TRHDE: variants seen among roughly 807,000 people sequenced by gnomAD.
TRHDE encodes the protein thyrotropin-releasing hormone-degrading ectoenzyme.
In TRHDE, 72 loss-of-function variants were observed where a neutral mutation model predicts 125.7. That is an observed-to-expected ratio of 0.57 (90% CI 0.47 to 0.70). The LOEUF (loss-of-function observed/expected upper bound fraction) is 0.70, where lower values mean the gene tolerates loss of function less well. Among genes scored for constraint, TRHDE ranks in the 30% least tolerant of loss-of-function variants. The probability of loss-of-function intolerance (pLI) is 0.00; values close to 1 mark genes in which losing one functional copy is unlikely to be tolerated. For synonymous variants in TRHDE, 509 were observed against 509.1 expected, an observed-to-expected ratio of 1.00 and a Z score of 0.00; for missense variants, 1,110 against 1,327.1, an observed-to-expected ratio of 0.84 and a Z score of 2.54.
chr12:72,442,343 A>G (rs1043956570), intron 3 of TRHDE, among the ~76,000 whole-genome samples: 8 of 151,838 alleles, frequency 5.3e-5, no homozygotes, highest in African/African-American at 1.9e-4. Context: ...ACTTATCTAC[A>G]TGGCTTTGCA....
intron 2 of TRHDE, among the ~76,000 whole-genome samples, chr12:72,229,565 A>G (rs1304836870): frequency 6.6e-6 from 1 of 152,206 alleles, no homozygotes; most frequent in Non-Finnish European, 1.5e-5. Flanking sequence ...GATACAGAAC[A>G]GATCATGTCA....
chr12:72,279,108 C>T (rs981480179), intron 1 of TRHDE, among the ~76,000 whole-genome samples: 2 of 152,130 alleles, frequency 1.3e-5, no homozygotes, highest in South Asian at 2.1e-4. Context: ...GTTTGCACAA[C>T]ATGTTTGTTT....
At chr12:72,097,037 C>T (rs1384199919) in intron 1 of TRHDE, among the ~76,000 whole-genome samples, 1 of 152,218 alleles carries the variant, frequency 6.6e-6, no homozygotes, top group Non-Finnish European at 1.5e-5. Context: ...TAGCTTACTA[C>T]TGGATCATAT....
intron 5 of TRHDE, among the ~76,000 whole-genome samples, chr12:72,481,541 T>C (rs1335760812): frequency 1.3e-5 from 2 of 151,536 alleles, no homozygotes; most frequent in African/African-American, 4.8e-5. Flanking sequence ...ACCTGGAGAA[T>C]GTCAAATTTC....
intron 2 of TRHDE, among the ~76,000 whole-genome samples, chr12:72,152,011 A>T (rs1216712600): frequency 6.6e-6 from 1 of 151,572 alleles, no homozygotes; most frequent in Non-Finnish European, 1.5e-5. Context: ...CACAATATTG[A>T]TTCTTCCTAC....
intron 2 of TRHDE, among the ~76,000 whole-genome samples, chr12:72,365,450 G>T (rs1871301868): frequency 1.3e-5 from 2 of 152,128 alleles, no homozygotes; most frequent in African/African-American, 4.8e-5. Context: ...AACCTTTGGT[G>T]ATTCTGATGC....
intron 2 of TRHDE, among the ~76,000 whole-genome samples, chr12:72,246,590 G>C (rs1284342169): frequency 6.6e-6 from 1 of 152,164 alleles, no homozygotes; most frequent in Non-Finnish European, 1.5e-5. Flanking sequence ...GCAAGCAGCT[G>C]ACTCGCTTAA....
At chr12:72,313,179 A>G (rs1311873759) in intron 2 of TRHDE, among the ~76,000 whole-genome samples, 3 of 152,136 alleles carry the variant, frequency 2.0e-5, no homozygotes, top group Admixed American at 2.0e-4. Context: ...CTAAAACTAA[A>G]ATATTTGGCT....
At chr12:72,642,963 A>ATCTT (rs1396749644) in intron 15 of TRHDE, among the ~76,000 whole-genome samples, 1 of 152,216 alleles carries the variant, frequency 6.6e-6, no homozygotes, top group Non-Finnish European at 1.5e-5. Flanking sequence ...TTATTAGAAC[A>ATCTT]TCTTTACAAA....
At chr12:72,420,316 G>A (rs139313463) in intron 3 of TRHDE, among the ~76,000 whole-genome samples, 281 of 152,220 alleles carry the variant, frequency 1.8e-3, no homozygotes, top group African/African-American at 6.1e-3. Context: ...CTTTATCTTA[G>A]CAGCAACTCC....
intron 6 of TRHDE, among the ~76,000 whole-genome samples, chr12:72,528,421 T>C (rs540409608): frequency 6.6e-6 from 1 of 152,358 alleles, no homozygotes; most frequent in South Asian, 2.1e-4. Context: ...TGATGTTGTC[T>C]TCGTGTAGTT....
intron 2 of TRHDE, among the ~76,000 whole-genome samples, chr12:72,293,752 A>G (rs144099292): frequency 2.3e-4 from 35 of 152,148 alleles, no homozygotes; most frequent in African/African-American, 8.4e-4. Context: ...CTGGCTGGGA[A>G]CCTGTGGCCA....
chr12:72,397,295 T>C (rs1485270391), intron 3 of TRHDE, among the ~76,000 whole-genome samples: 1 of 152,216 alleles, frequency 6.6e-6, no homozygotes, highest in Non-Finnish European at 1.5e-5. Context: ...TTTTCGCTGC[T>C]ATTCCAAGTC....
At chr12:72,225,136 A>T (rs879531586) in intron 2 of TRHDE, among the ~76,000 whole-genome samples, 2 of 152,168 alleles carry the variant, frequency 1.3e-5, no homozygotes, top group Non-Finnish European at 2.9e-5. Flanking sequence ...CATATACTAA[A>T]ATGATGTAAT....
At chr12:72,608,607 T>C (rs1168161906) in intron 12 of TRHDE, among the ~76,000 whole-genome samples, 3 of 152,164 alleles carry the variant, frequency 2.0e-5, no homozygotes, top group African/African-American at 7.2e-5. Flanking sequence ...TTGGCTAATG[T>C]GGCCAAAAAA....
chr12:72,388,688 C>T (rs1015269956), intron 3 of TRHDE, among the ~76,000 whole-genome samples: 8 of 152,100 alleles, frequency 5.3e-5, no homozygotes, highest in Non-Finnish European at 1.2e-4. Flanking sequence ...TGAAGGATGA[C>T]TTAACTATAG....
intron 3 of TRHDE, among the ~76,000 whole-genome samples, chr12:72,446,397 CA>C (rs1875287349): frequency 6.6e-6 from 1 of 151,930 alleles, no homozygotes; most frequent in Non-Finnish European, 1.5e-5. Flanking sequence ...CCAGCCACTG[CA>C]AAAACATGCC....
chr12:72,454,188 T>TC (rs1194844363), intron 3 of TRHDE, among the ~76,000 whole-genome samples: 2 of 151,910 alleles, frequency 1.3e-5, no homozygotes, highest in African/African-American at 4.8e-5. Context: ...ATAAATTTGT[T>TC]TTTTTTTAAA....
chr12:72,213,597 A>G (rs937820751), intron 2 of TRHDE, among the ~76,000 whole-genome samples: 20 of 152,160 alleles, frequency 1.3e-4, no homozygotes, highest in African/African-American at 4.8e-4. Context: ...TTTCCACTGT[A>G]CCATGCCATT....
Sources: gnomAD v4.1 joint callset for allele counts (sites outside exome capture counted in the v4.1 genomes callset) on GRCh38, gnomAD v4.1.1 for gene constraint, MANE v1.5 for transcripts, NCBI Gene and HGNC (gene_info 2026-07-23, HGNC 2026-07-21) for gene names.